The following EFEMP1 variants were observed in gnomAD, a reference collection of about 807,000 sequenced individuals.
The protein encoded by EFEMP1 is EGF-containing fibulin-like extracellular matrix protein 1.
In EFEMP1, 18 loss-of-function variants were observed where a neutral mutation model predicts 65.7. That is an observed-to-expected ratio of 0.27 (90% confidence interval 0.19 to 0.41). The LOEUF is 0.41. EFEMP1 is among the 10% of genes least tolerant of loss of function. The probability of loss-of-function intolerance (pLI) is 1.00; values close to 1 mark genes in which losing one functional copy is unlikely to be tolerated. For missense variants in EFEMP1, 469 were observed against 624.8 expected, an observed-to-expected ratio of 0.75 and a Z score of 2.66; for synonymous variants, 237 against 219.7, an observed-to-expected ratio of 1.08 and a Z score of -0.70.
chr2:55,880,135 G>T (rs1669186241), intron 6 of EFEMP1, among the ~76,000 whole-genome samples: 1 of 152,162 alleles, frequency 6.6e-6, no homozygotes, highest in Non-Finnish European at 1.5e-5. Context: ...ATATTTTGTG[G>T]TGGGGGAGAG....
Position 55,867,049 on chromosome 2 carries a change from C to T in EFEMP1, c.*24G>A, listed in dbSNP as rs1207584424. ...CAATATTCTTTGGCTGACTTAAATG[C>T]CTGTGGTTGACTCTTAGAAAAGACT... On this transcript the variant is annotated 3_prime_UTR_variant, in exon 12 of 12. Coordinates refer to ENST00000355426, the MANE Select transcript of EFEMP1 (RefSeq NM_001039348.3). This position sits in a 1 kb window ranked among gnomAD's most constrained non-coding sequence, Gnocchi z 4.3. The T allele has an allele frequency of 1.9e-6, 3 of 1,611,550 alleles. No individual in the cohort carries two copies. In the South Asian group the frequency reaches 3.3e-5, roughly 18 times the overall value.
In EFEMP1 at chr2:55,870,063, A is replaced by T. The variant is rs1178486339; in HGVS notation, c.1320+657T>A. On this transcript the variant is annotated intron_variant, in intron 11 of 11. Transcript: ENST00000355426. The surrounding 1 kb of genome is among the most constrained non-coding windows in gnomAD (Gnocchi z 5.8). ...AGGGAAATGGCAGAATTCAGAAAGTAGATTTCACACAGGCAATGAAAGATA... is the reference window on the plus strand; with the variant it reads ...AGGGAAATGGCAGAATTCAGAAAGTTGATTTCACACAGGCAATGAAAGATA... Among the ~76,000 whole-genome samples, 2 of 152,116 alleles carry T rather than the reference A, an allele frequency of 1.3e-5. No individual in the cohort carries two copies. The highest frequency in any genetic ancestry group is 6.6e-5 in the Admixed American group (1 of 15,262).
At position 55,922,894 on chromosome 2, in the gene EFEMP1, C is replaced by T; in HGVS notation, c.-8+5G>A. ...AGAACGTTAAGGCTTTCCCAGTATACTCACCTTGAGCTAGCAGAGTTCCTT... is the reference window on the plus strand; with the variant it reads ...AGAACGTTAAGGCTTTCCCAGTATATTCACCTTGAGCTAGCAGAGTTCCTT... On this transcript the variant is annotated splice_donor_5th_base_variant and intron_variant, in intron 2 of 11. Coordinates refer to ENST00000355426, the MANE Select transcript of EFEMP1 (RefSeq NM_001039348.3). This position sits in a 1 kb window ranked among gnomAD's most constrained non-coding sequence, Gnocchi z 5.5. 2.7e-6 allele frequency: 3 copies of T among 1,118,910 alleles called. No individual in the cohort carries two copies. Among genetic ancestry groups the T allele is most frequent in the Non-Finnish European group, 3.3e-6 (3 of 907,470 alleles). 69.3% of individuals were successfully genotyped at this position (1,118,910 alleles called of 1,614,324 possible).
intron 5 of EFEMP1, among the ~76,000 whole-genome samples, chr2:55,905,486 T>G (rs984079429): frequency 6.6e-6 from 1 of 152,162 alleles, no homozygotes; most frequent in Non-Finnish European, 1.5e-5. Flanking sequence ...TCGCTCTTGT[T>G]GCCCAGGCTG....
intron 6 of EFEMP1, among the ~76,000 whole-genome samples, chr2:55,881,062 G>C (rs888911673): frequency 2.6e-5 from 4 of 152,232 alleles, no homozygotes; most frequent in African/African-American, 9.6e-5. Flanking sequence ...ATAGCAAACA[G>C]CTTTACTGCA....
chr2:55,914,952 T>A (rs573593646), intron 5 of EFEMP1, among the ~76,000 whole-genome samples: 1 of 152,234 alleles, frequency 6.6e-6, no homozygotes, highest in African/African-American at 2.4e-5. Flanking sequence ...GAGAATGTCA[T>A]ACATCTGCAG....
intron 5 of EFEMP1, among the ~76,000 whole-genome samples, chr2:55,914,333 G>A (rs966287551): frequency 6.6e-6 from 1 of 152,114 alleles, no homozygotes; most frequent in African/African-American, 2.4e-5. Context: ...TGCTCACTGT[G>A]ACCTGATCTT....
At chr2:55,898,779 C>T (rs1669927410) in intron 5 of EFEMP1, among the ~76,000 whole-genome samples, 1 of 152,134 alleles carries the variant, frequency 6.6e-6, no homozygotes. Flanking sequence ...ATGGAATTTT[C>T]CGATCTTGTT....
chr2:55,905,402 G>A lies in EFEMP1; in HGVS notation c.517+12263C>T, dbSNP rs1031691221. Among the ~76,000 whole-genome samples the A allele has an allele frequency of 2.6e-5, 4 of 152,076 alleles. 1 individual carries two copies. The highest frequency in any genetic ancestry group is 2.6e-4 in the Admixed American group (4 of 15,270). Reference sequence around the variant, plus strand: ...CATAATACTTTTGGTAATGTGTAAAGTCTGCCTGTTCCTGACTTTGATACT... The same window carrying A: ...CATAATACTTTTGGTAATGTGTAAAATCTGCCTGTTCCTGACTTTGATACT... On this transcript the variant is annotated intron_variant, in intron 5 of 11. Coordinates refer to ENST00000355426, the MANE Select transcript of EFEMP1 (RefSeq NM_001039348.3).
rs1670820120 is a variant in EFEMP1 at position 55,919,151 on chromosome 2, G to A, written c.82-884C>T. ...GGGAATTCTAGGAAGAGAGGCTATTGTGACAAAGGCATAAAATTTTTGAAA... is the reference window on the plus strand; with the variant it reads ...GGGAATTCTAGGAAGAGAGGCTATTATGACAAAGGCATAAAATTTTTGAAA... On this transcript the variant is annotated intron_variant, in intron 3 of 11. Coordinates refer to ENST00000355426, the MANE Select transcript of EFEMP1 (RefSeq NM_001039348.3). The surrounding 1 kb of genome is among the most constrained non-coding windows in gnomAD (Gnocchi z 4.5). Among the ~76,000 whole-genome samples the A allele has an allele frequency of 6.6e-6, 1 of 152,162 alleles. No individual in the cohort carries two copies. Among genetic ancestry groups the A allele is most frequent in the South Asian group, 2.1e-4 (1 of 4,828 alleles).
At chr2:55,875,361 C>T (rs865866790) in intron 8 of EFEMP1, among the ~76,000 whole-genome samples, 7 of 141,064 alleles carry the variant, frequency 5.0e-5, no homozygotes, top group South Asian at 2.4e-4. Context: ...CACACACACA[C>T]ACACATATAT....
chr2:55,882,740 T>C (rs1343339430), intron 5 of EFEMP1, among the ~76,000 whole-genome samples: 1 of 152,152 alleles, frequency 6.6e-6, no homozygotes, highest in African/African-American at 2.4e-5. Flanking sequence ...ATAAAACTTG[T>C]GATTCCTAGA....
chr2:55,910,740 A>T (rs188945356), intron 5 of EFEMP1, among the ~76,000 whole-genome samples: 1 of 152,292 alleles, frequency 6.6e-6, no homozygotes, highest in African/African-American at 2.4e-5. Context: ...TAAATTTCTT[A>T]TAAAGTTTAA....
rs781367716 is a variant in EFEMP1, at chr2:55,870,967, A to G, written c.1124+33T>C. 9 of 1,613,710 alleles carry G rather than the reference A, an allele frequency of 5.6e-6. No individual in the cohort carries two copies. Among genetic ancestry groups the G allele is most frequent in the African/African-American group, 1.3e-5 (1 of 75,008 alleles). On this transcript the variant is annotated intron_variant, in intron 10 of 11. Transcript: ENST00000355426. The surrounding 1 kb of genome is among the most constrained non-coding windows in gnomAD (Gnocchi z 5.8). ...CAGTTTGGCTTGGTAAGACCAGAAA[A>G]TCCTCACTTTCAAAAGTTCTGATTT...
At chr2:55,901,567 C>T in intron 5 of EFEMP1, among the ~76,000 whole-genome samples, 1 of 152,170 alleles carries the variant, frequency 6.6e-6, no homozygotes, top group South Asian at 2.1e-4. Context: ...CATACAGCCT[C>T]TTGCACTGCT....
rs142764415 is a variant in EFEMP1, at chr2:55,883,559, C to G, written c.518-1825G>C. 4.4e-3 allele frequency among the ~76,000 whole-genome samples: 663 copies of G among 152,238 alleles called. 8 individuals carry two copies. The highest frequency in any genetic ancestry group is 0.015 in the African/African-American group (619 of 41,542). ...ACGGCAATGTTAGATTCAGATGTGG[C>G]AAGTTTCCTCTGGCAGCAGATCAAG... is the stretch of plus-strand genomic sequence containing the variant. On this transcript the variant is annotated intron_variant, in intron 5 of 11. Transcript: ENST00000355426. This position sits in a 1 kb window ranked among gnomAD's most constrained non-coding sequence, Gnocchi z 4.5.
At position 55,919,261 on chromosome 2, in the gene EFEMP1, A is replaced by T. The variant is rs912812262; in HGVS notation, c.82-994T>A. Among the ~76,000 whole-genome samples the T allele has an allele frequency of 6.6e-6, 1 of 152,236 alleles. No homozygotes were observed. The highest frequency in any genetic ancestry group is 1.5e-5 in the Non-Finnish European group (1 of 68,036). ...GGCCAAAACAAGAAAGCCTTTCTTT[A>T]GGAATGGAAGCCTGAATTCTACCCT... On this transcript the variant is annotated intron_variant, in intron 3 of 11. Transcript: ENST00000355426. The surrounding 1 kb of genome is among the most constrained non-coding windows in gnomAD (Gnocchi z 4.5).
rs564326837 is a variant in EFEMP1, at chr2:55,874,934, A to G, written c.1000+12T>C. The G allele has an allele frequency of 2.5e-6, 4 of 1,597,920 alleles. No homozygotes were observed. In the East Asian group the frequency reaches 6.8e-5, roughly 27 times the overall value. On this transcript the variant is annotated intron_variant, in intron 9 of 11. Coordinates refer to ENST00000355426, the MANE Select transcript of EFEMP1 (RefSeq NM_001039348.3). ...CTAAATACCTAACATATGAAAAAAAAAATAAACTTACCTTGACATGTTCTA... is the reference window on the plus strand; with the variant it reads ...CTAAATACCTAACATATGAAAAAAAGAATAAACTTACCTTGACATGTTCTA...
At chr2:55,894,858 T>C (rs3791668) in intron 5 of EFEMP1, among the ~76,000 whole-genome samples, 16,070 of 152,168 alleles carry the variant, frequency 0.11, 2,001 homozygotes, top group African/African-American at 0.3. Context: ...CTTATGGTAA[T>C]AGGGTGATGA....
Sources: gnomAD v4.1 joint callset for allele counts (sites outside exome capture counted in the v4.1 genomes callset) on GRCh38, gnomAD v4.1.1 for gene constraint, Gnocchi (gnomAD v3.1) non-coding constraint, MANE v1.5 for transcripts, NCBI Gene and HGNC (gene_info 2026-07-23, HGNC 2026-07-21) for gene names.